Variants in HDGFL3 observed in about 807,000 individuals in gnomAD.
HDGFL3 encodes HDGF like 3, also known as hepatoma-derived growth factor-related protein 3.
HDGFL3 carries 6 observed loss-of-function variants against 27.6 expected under a neutral mutation model. That is an observed-to-expected ratio of 0.22 (90% CI 0.12 to 0.43). The LOEUF is 0.43. Ranked by LOEUF, HDGFL3 falls within the 20% of genes least tolerant of loss-of-function variation. The probability of loss-of-function intolerance (pLI) is 1.00; values close to 1 mark genes in which losing one functional copy is unlikely to be tolerated. For synonymous variants in HDGFL3, 88 were observed against 88.9 expected, an observed-to-expected ratio of 0.99 and a Z score of 0.05; for missense variants, 207 against 250.1, an observed-to-expected ratio of 0.83 and a Z score of 1.16.
chr15:83,135,292 T>A lies in HDGFL3; in HGVS notation c.*3978A>T, dbSNP rs1003288803. 3.3e-5 allele frequency: 5 copies of A among 152,246 alleles called. No homozygotes were observed. Among genetic ancestry groups the A allele is most frequent in the Non-Finnish European group, 7.3e-5 (5 of 68,030 alleles). 9.4% of individuals were successfully genotyped at this position (152,246 alleles called of 1,614,324 possible). On this transcript the variant is annotated 3_prime_UTR_variant, in exon 6 of 6. Coordinates refer to ENST00000299633, the MANE Select transcript of HDGFL3 (RefSeq NM_016073.4). ...GTAAGTAACACCTTTATCTGTGAAA[T>A]CACTCAGCAGAATAAATTGGTTTCA...
intron 1 of HDGFL3, among the ~76,000 whole-genome samples, chr15:83,204,837 C>G (rs1443305105): frequency 6.6e-6 from 1 of 152,158 alleles, no homozygotes; most frequent in East Asian, 1.9e-4. Context: ...TGAAGCCCAG[C>G]CAAGAGCTGA....
At chr15:83,143,863 T>A (rs1338146558) in intron 5 of HDGFL3, among the ~76,000 whole-genome samples, 1 of 152,220 alleles carries the variant, frequency 6.6e-6, no homozygotes, top group African/African-American at 2.4e-5. Flanking sequence ...ATGTTTATCC[T>A]CTGTCCCTCC....
chr15:83,199,911 T>C (rs935417835), intron 1 of HDGFL3, among the ~76,000 whole-genome samples: 1 of 151,246 alleles, frequency 6.6e-6, no homozygotes, highest in African/African-American at 2.4e-5. Context: ...CCGGGCATGG[T>C]GGTGGGCACC....
At position 83,131,192 on chromosome 15, in the gene HDGFL3, C is replaced by T. The variant is rs2036218131; in HGVS notation, c.*8078G>A. 2 of 152,054 alleles carry T rather than the reference C, an allele frequency of 1.3e-5. No homozygotes were observed. Among genetic ancestry groups the T allele is most frequent in the Non-Finnish European group, 2.9e-5 (2 of 68,014 alleles). The allele number at this position is 152,054 out of a possible 1,614,324, so 9.4% of individuals were successfully genotyped here. A position where few individuals can be genotyped will look rare whatever the true frequency, so the allele number is the denominator to read the frequency against. Reference sequence around the variant, plus strand: ...TAAAATTGCCATTCTTATTTAGAAACCTTATGCATTCATGATCCCACTAAC... The same window carrying T: ...TAAAATTGCCATTCTTATTTAGAAATCTTATGCATTCATGATCCCACTAAC... On this transcript the variant is annotated 3_prime_UTR_variant, in exon 6 of 6. Transcript: ENST00000299633.
At chr15:83,146,444 T>G (rs1418794523) in intron 5 of HDGFL3, among the ~76,000 whole-genome samples, 1 of 152,190 alleles carries the variant, frequency 6.6e-6, no homozygotes, top group African/African-American at 2.4e-5. Context: ...CTTTCCATGA[T>G]TCTATTCAAA....
At position 83,133,534 on chromosome 15, in the gene HDGFL3, G is replaced by A. The variant is rs958614977; in HGVS notation, c.*5736C>T. ...ATTTCTGTAAGGTGAAAATGATTTAGAATGAAGTGGAAGAAAAATTATTAG... is the reference window on the plus strand; with the variant it reads ...ATTTCTGTAAGGTGAAAATGATTTAAAATGAAGTGGAAGAAAAATTATTAG... On this transcript the variant is annotated 3_prime_UTR_variant, in exon 6 of 6. Coordinates refer to ENST00000299633, the MANE Select transcript of HDGFL3 (RefSeq NM_016073.4). 7 of 152,186 alleles carry A rather than the reference G, an allele frequency of 4.6e-5. No homozygotes were observed. The highest frequency in any genetic ancestry group is 1.7e-4 in the African/African-American group (7 of 41,440). The allele number at this position is 152,186 out of a possible 1,614,324, so 9.4% of individuals were successfully genotyped here.
intron 1 of HDGFL3, among the ~76,000 whole-genome samples, chr15:83,176,532 G>C (rs1596559791): frequency 6.6e-6 from 1 of 152,084 alleles, no homozygotes; most frequent in East Asian, 1.9e-4. Flanking sequence ...TGGAGCCCGT[G>C]GGGAGGCAGC....
intron 1 of HDGFL3, among the ~76,000 whole-genome samples, chr15:83,167,343 G>A (rs974852918): frequency 6.6e-6 from 1 of 152,174 alleles, no homozygotes; most frequent in Non-Finnish European, 1.5e-5. Flanking sequence ...ATCACCCGAG[G>A]TCAGGAGATC....
chr15:83,157,313 T>C, intron 4 of HDGFL3, 102 bp downstream of exon 4: 1 of 1,174,182 alleles, frequency 8.5e-7, no homozygotes, highest in South Asian at 1.3e-5. Context: ...TCCATAGAAT[T>C]TAGTATATTT....
At chr15:83,126,902 A>G, downstream of HDGFL3, 5 of 1,463,814 alleles carry the variant, frequency 3.4e-6, no homozygotes, top group Non-Finnish European at 9.5e-7. Flanking sequence ...TTTTTAAAAA[A>G]TGGGTCCCAG....
At chr15:83,165,323 GTTTC>G (rs1296087217) in intron 1 of HDGFL3, among the ~76,000 whole-genome samples, 1 of 152,204 alleles carries the variant, frequency 6.6e-6, no homozygotes, top group Non-Finnish European at 1.5e-5. Flanking sequence ...CTCAACTGCA[GTTTC>G]TTTATCTCTT....
chr15:83,122,503 A>G (rs1211925011), intron 3 of HDGFL3, among the ~76,000 whole-genome samples: 2 of 152,194 alleles, frequency 1.3e-5, no homozygotes, highest in Non-Finnish European at 2.9e-5. Flanking sequence ...TCTGTTGCCC[A>G]GGCTGGCTTG....
chr15:83,126,269 C>T (rs978517074), downstream of HDGFL3, among the ~76,000 whole-genome samples: 1 of 152,140 alleles, frequency 6.6e-6, no homozygotes, highest in African/African-American at 2.4e-5. Flanking sequence ...AAAGACTTTC[C>T]AGCAAGAGGA....
Position 83,136,659 on chromosome 15 carries a change from A to G in HDGFL3, c.*2611T>C. ...TTCTTCATAAAAACAAAGGCAGAAG[A>G]AAAAGTGGAATAAAAATATTACTTC... On this transcript the variant is annotated 3_prime_UTR_variant, in exon 6 of 6. Coordinates refer to ENST00000299633, the MANE Select transcript of HDGFL3 (RefSeq NM_016073.4). 1 of 1,593,146 alleles carries G rather than the reference A, an allele frequency of 6.3e-7. No individual in the cohort carries two copies. Among genetic ancestry groups the G allele is most frequent in the Non-Finnish European group, 8.5e-7 (1 of 1,174,666 alleles).
Position 83,183,091 on chromosome 15 carries a change from T to C in HDGFL3, c.85-19016A>G, listed in dbSNP as rs74028251. ...TTGGCTATATCCTTTTCTCTTAAAA[T>C]GTAAAGTCAACAGATATTATCTAGT... On this transcript the variant is annotated intron_variant, in intron 1 of 5. Coordinates refer to ENST00000299633, the MANE Select transcript of HDGFL3 (RefSeq NM_016073.4). 9.7e-3 allele frequency among the ~76,000 whole-genome samples: 1,477 copies of C among 152,300 alleles called. 25 individuals carry two copies. The highest frequency in any genetic ancestry group is 0.033 in the African/African-American group (1,378 of 41,556).
At chr15:83,206,258 T>A (rs2037713546) in intron 1 of HDGFL3, among the ~76,000 whole-genome samples, 1 of 152,206 alleles carries the variant, frequency 6.6e-6, no homozygotes, top group Non-Finnish European at 1.5e-5. Context: ...TTCACTTGAC[T>A]ACAATACAAC....
At chr15:83,169,102 T>C (rs1030469163) in intron 1 of HDGFL3, 6 of 255,546 alleles carry the variant, frequency 2.3e-5, no homozygotes, top group Non-Finnish European at 4.0e-5. Flanking sequence ...AAACTAGGTA[T>C]TGAAGGAACA....
In HDGFL3 at chr15:83,128,459, T is replaced by A. The variant is rs1484095803; in HGVS notation, c.*10811A>T. 6.6e-6 allele frequency: 1 copy of A among 152,258 alleles called. No homozygotes were observed. The highest frequency in any genetic ancestry group is 1.9e-4 in the East Asian group (1 of 5,200). 9.4% of individuals were successfully genotyped at this position (152,258 alleles called of 1,614,324 possible). On this transcript the variant is annotated 3_prime_UTR_variant, in exon 6 of 6. Transcript: ENST00000299633. The stretch of plus-strand genomic sequence containing the variant: ...GAAGAGAACTAACATTTATTGCTCT[T>A]TGCTGGTTGTTTTTCCTTTGCAGAC...
At position 83,136,741 on chromosome 15, in the gene HDGFL3, C is replaced by A; in HGVS notation, c.*2529G>T. ...TTATACTGGTACTGATATTTTGTCC[C>A]ATTTCACTCTCTTCTCATACGTGAG... On this transcript the variant is annotated 3_prime_UTR_variant, in exon 6 of 6. Coordinates refer to ENST00000299633, the MANE Select transcript of HDGFL3 (RefSeq NM_016073.4). 2 of 1,331,910 alleles carry A rather than the reference C, an allele frequency of 1.5e-6. No individual in the cohort carries two copies. The highest frequency in any genetic ancestry group is 2.1e-6 in the Non-Finnish European group (2 of 962,996). 82.5% of individuals were successfully genotyped at this position (1,331,910 alleles called of 1,614,324 possible). A position where few individuals can be genotyped will look rare whatever the true frequency, so the allele number is the denominator to read the frequency against.
Sources: allele counts gnomAD v4.1 joint callset (sites outside exome capture counted in the v4.1 genomes callset), GRCh38; gene constraint gnomAD v4.1.1; transcripts MANE v1.5; gene names NCBI Gene and HGNC (gene_info 2026-07-23, HGNC 2026-07-21).